Variants in TAFA5 observed in about 807,000 individuals in gnomAD.
The protein encoded by TAFA5 is TAFA chemokine like family member 5, also known as chemokine-like protein TAFA-5.
In TAFA5, 6 loss-of-function variants were observed where a neutral mutation model predicts 15.3. That is an observed-to-expected ratio of 0.39 (90% CI 0.21 to 0.77). The LOEUF is 0.77. TAFA5 is among the 30% of genes least tolerant of loss of function. The probability of loss-of-function intolerance (pLI) is 0.41; values close to 1 mark genes in which losing one functional copy is unlikely to be tolerated. For synonymous variants in TAFA5, 103 were observed against 80.7 expected (o/e 1.28, Z -1.48); for missense variants, 161 against 193.1 (o/e 0.83, Z 0.98).
intron 1 of TAFA5, among the ~76,000 whole-genome samples, chr22:48,541,613 G>A (rs375994987): frequency 7.3e-5 from 11 of 150,758 alleles, no homozygotes; most frequent in Admixed American, 2.6e-4. Flanking sequence ...CCCCTGTGTC[G>A]GTGTTGGGAG....
intron 1 of TAFA5, among the ~76,000 whole-genome samples, chr22:48,564,634 G>A (rs549273193): frequency 6.6e-6 from 1 of 152,338 alleles, no homozygotes; most frequent in East Asian, 1.9e-4. Context: ...GCCCAGCTCT[G>A]CAGGCCTTAG....
chr22:48,732,902 C>T (rs1004236980), intron 3 of TAFA5, among the ~76,000 whole-genome samples: 8 of 152,198 alleles, frequency 5.3e-5, no homozygotes, highest in Admixed American at 4.6e-4. Context: ...AAAGAGATGA[C>T]GACTCCCGGA....
At chr22:48,674,889 G>A (rs1383417599) in intron 2 of TAFA5, among the ~76,000 whole-genome samples, 1 of 152,076 alleles carries the variant, frequency 6.6e-6, no homozygotes, top group Non-Finnish European at 1.5e-5. Flanking sequence ...ACAGAGACGA[G>A]GCTGAGATAG....
intron 1 of TAFA5, among the ~76,000 whole-genome samples, chr22:48,558,411 G>A (rs559869425): frequency 5.9e-5 from 9 of 152,208 alleles, no homozygotes; most frequent in East Asian, 1.9e-4. Flanking sequence ...AATGTCTGTC[G>A]CACCTCTTGG....
chr22:48,702,129 G>GTC (rs1491523845), intron 2 of TAFA5, among the ~76,000 whole-genome samples: 1 of 31,736 alleles, frequency 3.2e-5, no homozygotes, highest in African/African-American at 2.4e-4. Flanking sequence ...TTGTGTGTGA[G>GTC]TGTGTGTGTG....
At chr22:48,657,704 C>T (rs1054194018) in intron 2 of TAFA5, among the ~76,000 whole-genome samples, 1 of 152,188 alleles carries the variant, frequency 6.6e-6, no homozygotes. Context: ...TCCATGCCTG[C>T]ATCTCCAGCA....
At chr22:48,625,423 C>T (rs915704656) in intron 1 of TAFA5, among the ~76,000 whole-genome samples, 3 of 152,222 alleles carry the variant, frequency 2.0e-5, no homozygotes, top group African/African-American at 7.2e-5. Context: ...GAGGAACTGG[C>T]CCCCACTGGC....
chr22:48,694,816 GCCGCCGCTCCGACCTCCGCCC>G (rs1569082644), intron 2 of TAFA5, among the ~76,000 whole-genome samples: 58 of 43,638 alleles, frequency 1.3e-3, no homozygotes, highest in Middle Eastern at 0.027. Context: ...GCCCCCACCC[GCCGCCGCTCCGACCTCCGCCC>G]CCACCCCCCG....
At chr22:48,716,522 G>A (rs1929405920) in intron 3 of TAFA5, among the ~76,000 whole-genome samples, 1 of 152,184 alleles carries the variant, frequency 6.6e-6, no homozygotes, top group Non-Finnish European at 1.5e-5. Context: ...CTGTTGGGAG[G>A]TGGGGGGCCA....
intron 1 of TAFA5, among the ~76,000 whole-genome samples, chr22:48,495,702 C>G (rs898263432): frequency 6.6e-6 from 1 of 152,234 alleles, no homozygotes; most frequent in Admixed American, 6.5e-5. Flanking sequence ...GCTCTCCCTC[C>G]TGAATGTAGC....
At chr22:48,636,141 G>T (rs1432863004) in intron 1 of TAFA5, among the ~76,000 whole-genome samples, 2 of 152,228 alleles carry the variant, frequency 1.3e-5, no homozygotes, top group Non-Finnish European at 2.9e-5. Flanking sequence ...TGGCCAGTGG[G>T]GACACAGGGA....
At chr22:48,623,370 C>A (rs377589087) in intron 1 of TAFA5, among the ~76,000 whole-genome samples, 1 of 142,846 alleles carries the variant, frequency 7.0e-6, no homozygotes, top group Non-Finnish European at 1.5e-5. Flanking sequence ...GTCGCGTGGC[C>A]CTGCGCGGTG....
chr22:48,637,372 G>A (rs202114185), intron 1 of TAFA5, among the ~76,000 whole-genome samples: 407 of 152,216 alleles, frequency 2.7e-3, no homozygotes, highest in African/African-American at 9.4e-3. Flanking sequence ...GCTGGTCTCC[G>A]CCCCGGAGCT....
chr22:48,724,768 C>G lies in TAFA5; in HGVS notation c.390+16924C>G, dbSNP rs149534472. On this transcript the variant is annotated intron_variant, in intron 3 of 3. Coordinates refer to ENST00000402357, the MANE Select transcript of TAFA5 (RefSeq NM_001082967.3). The stretch of plus-strand genomic sequence containing the variant: ...CTCAGGCCTGGGTCTAACCGTAGGA[C>G]TTAGAAACTAGTGATCAGAGGGTTC... Among the ~76,000 whole-genome samples, 496 of 152,318 alleles carry G rather than the reference C, an allele frequency of 3.3e-3. 4 individuals carry two copies. The highest frequency in any genetic ancestry group is 0.011 in the African/African-American group (469 of 41,582).
chr22:48,616,800 G>T (rs1381977173), intron 1 of TAFA5, among the ~76,000 whole-genome samples: 1 of 152,232 alleles, frequency 6.6e-6, no homozygotes, highest in Non-Finnish European at 1.5e-5. Context: ...AGGCTGCGTG[G>T]CTCTGGGCTC....
At chr22:48,504,268 T>A (rs1920972198) in intron 1 of TAFA5, among the ~76,000 whole-genome samples, 1 of 152,144 alleles carries the variant, frequency 6.6e-6, no homozygotes, top group African/African-American at 2.4e-5. Context: ...CAGCACTTTA[T>A]CTTAGGTGCA....
intron 1 of TAFA5, among the ~76,000 whole-genome samples, chr22:48,526,110 A>G (rs966372139): frequency 5.3e-5 from 8 of 152,170 alleles, no homozygotes; most frequent in Non-Finnish European, 7.4e-5. Context: ...CACCTTACCA[A>G]TGGAGAAACT....
chr22:48,623,675 G>GC (rs1404461969), intron 1 of TAFA5, among the ~76,000 whole-genome samples: 2 of 152,344 alleles, frequency 1.3e-5, no homozygotes, highest in East Asian at 3.9e-4. Context: ...GGCCCAGCAC[G>GC]CCCCATTTAA....
intron 1 of TAFA5, chr22:48,539,326 A>T: frequency 2.1e-6 from 1 of 467,896 alleles, no homozygotes; most frequent in Middle Eastern, 3.3e-4. Context: ...AATCGGAGGC[A>T]AAGCCGATAC....
Sources: allele counts gnomAD v4.1 joint callset (sites outside exome capture counted in the v4.1 genomes callset), GRCh38; gene constraint gnomAD v4.1.1; transcripts MANE v1.5; gene names NCBI Gene and HGNC (gene_info 2026-07-23, HGNC 2026-07-21).